The following CAVIN1 variants were observed in gnomAD, a reference collection of about 807,000 sequenced individuals.
CAVIN1 encodes caveolae associated protein 1.
A neutral mutation model predicts 24.0 loss-of-function variants in CAVIN1; 16 were observed. That is an observed-to-expected ratio of 0.67 (90% CI 0.45 to 1.01). The LOEUF (loss-of-function observed/expected upper bound fraction) is 1.01. Ranked by LOEUF, CAVIN1 falls within the 50% of genes least tolerant of loss-of-function variation. The pLI is 0.00. For synonymous variants in CAVIN1, 256 were observed against 256.4 expected (o/e 1.00, Z 0.02); for missense variants, 510 against 551.7 (o/e 0.92, Z 0.76).
At chr17:42,422,046 T>TG in intron 1 of CAVIN1, among the ~76,000 whole-genome samples, 1 of 152,064 alleles carries the variant, frequency 6.6e-6, no homozygotes, top group Non-Finnish European at 1.5e-5. Context: ...GAGGCCGATG[T>TG]GGGGGCGCGG....
intron 1 of CAVIN1, among the ~76,000 whole-genome samples, chr17:42,420,086 C>T (rs1345574562): frequency 6.6e-6 from 1 of 152,056 alleles, no homozygotes; most frequent in Non-Finnish European, 1.5e-5. Context: ...TTCTCTGCCC[C>T]GCCCCCACTG....
intron 1 of CAVIN1, among the ~76,000 whole-genome samples, chr17:42,416,374 A>AAGAAAG (rs1178517813): frequency 4.8e-5 from 2 of 41,914 alleles, no homozygotes; most frequent in Non-Finnish European, 9.2e-5. Flanking sequence ...TCAAAGAAAG[A>AAGAAAG]AGAGAGAGAG....
chr17:42,420,075 GT>G (rs2085536157), intron 1 of CAVIN1, among the ~76,000 whole-genome samples: 1 of 138,720 alleles, frequency 7.2e-6, no homozygotes, highest in African/African-American at 2.7e-5. Flanking sequence ...ATCCCTTGGT[GT>G]TCTCTGCCCC....
intron 1 of CAVIN1, among the ~76,000 whole-genome samples, chr17:42,409,267 AT>A (rs950716313): frequency 4.6e-5 from 7 of 151,002 alleles, no homozygotes; most frequent in African/African-American, 1.2e-4. Context: ...TGCCCAGCTA[AT>A]TTTTGTAGTT....
chr17:42,403,283 T>A lies in CAVIN1; in HGVS notation c.*1404A>T, dbSNP rs1484533110. The stretch of plus-strand genomic sequence containing the variant: ...AGGAGTGAACCAGGGCTGGCTGCTC[T>A]GTGATGTTCTCTCCCCACCTCCCCT... On this transcript the variant is annotated 3_prime_UTR_variant, in exon 2 of 2. Transcript: ENST00000357037. The A allele has an allele frequency of 6.6e-6, 1 of 152,588 alleles. No individual in the cohort carries two copies. The highest frequency in any genetic ancestry group is 2.4e-5 in the African/African-American group (1 of 41,428). 9.5% of individuals were successfully genotyped at this position (152,588 alleles called of 1,614,324 possible).
chr17:42,419,440 G>C (rs879633193), intron 1 of CAVIN1, among the ~76,000 whole-genome samples: 1 of 151,946 alleles, frequency 6.6e-6, no homozygotes, highest in Non-Finnish European at 1.5e-5. Flanking sequence ...AGCCTCCCGA[G>C]TAACCAGGAT....
At chr17:42,422,340 G>A (rs1394773750) in intron 1 of CAVIN1, among the ~76,000 whole-genome samples, 1 of 152,190 alleles carries the variant, frequency 6.6e-6, no homozygotes, top group African/African-American at 2.4e-5. Flanking sequence ...CCGCTAATTC[G>A]GTTCTGCTAC....
intron 1 of CAVIN1, among the ~76,000 whole-genome samples, chr17:42,407,741 G>T (rs111546986): frequency 6.6e-6 from 1 of 152,140 alleles, no homozygotes; most frequent in Admixed American, 6.5e-5. Flanking sequence ...TGCCATAGAC[G>T]GCTTAGTGCA....
intron 1 of CAVIN1, among the ~76,000 whole-genome samples, chr17:42,416,828 T>C (rs990131257): frequency 6.6e-6 from 1 of 151,858 alleles, no homozygotes; most frequent in Non-Finnish European, 1.5e-5. Context: ...TGGACAAAGG[T>C]TTGGGGTTCT....
intron 1 of CAVIN1, among the ~76,000 whole-genome samples, chr17:42,407,584 G>A (rs1171974555): frequency 1.3e-5 from 2 of 152,160 alleles, no homozygotes; most frequent in African/African-American, 4.8e-5. Flanking sequence ...CAGGGACAAA[G>A]AGGGAATGCT....
At chr17:42,422,507 G>GGT in intron 1 of CAVIN1, 120 bp downstream of exon 1, 1 of 657,560 alleles carries the variant, frequency 1.5e-6, no homozygotes, top group Non-Finnish European at 2.5e-6. Flanking sequence ...GATCTGCCGG[G>GGT]CGCCCGGGCC....
intron 1 of CAVIN1, chr17:42,412,227 G>A: frequency 1.0e-6 from 1 of 985,156 alleles, no homozygotes; most frequent in Non-Finnish European, 1.2e-6. Flanking sequence ...CCAGGTCAGA[G>A]GGTGCATTCG....
chr17:42,403,468 CCT>C lies in CAVIN1; in HGVS notation c.*1217_*1218del, dbSNP rs1005146449. ...CATTTGAGGGATCGGGTGGGGCTGA[CCT>C]CTCTGTCTTCTTTGGATCATCGCCT... On this transcript the variant is annotated 3_prime_UTR_variant, in exon 2 of 2. Coordinates refer to ENST00000357037, the MANE Select transcript of CAVIN1 (RefSeq NM_012232.6). 2.0e-5 allele frequency: 3 copies of C among 152,798 alleles called. No homozygotes were observed. The highest frequency in any genetic ancestry group is 4.4e-5 in the Non-Finnish European group (3 of 68,124). The allele number at this position is 152,798 out of a possible 1,614,324, so 9.5% of individuals were successfully genotyped here. A position where few individuals can be genotyped will look rare whatever the true frequency, so the allele number is the denominator to read the frequency against.
At chr17:42,406,916 T>A (rs925626025) in intron 1 of CAVIN1, among the ~76,000 whole-genome samples, 1 of 151,996 alleles carries the variant, frequency 6.6e-6, no homozygotes, top group African/African-American at 2.4e-5. Context: ...AGAAGAGAGA[T>A]TACTTTTCAA....
At chr17:42,416,343 G>C (rs555807460) in intron 1 of CAVIN1, among the ~76,000 whole-genome samples, 78 of 150,514 alleles carry the variant, frequency 5.2e-4, no homozygotes, top group African/African-American at 1.8e-3. Flanking sequence ...ACTCCGGCCT[G>C]GGTGACAGAG....
In CAVIN1 at chr17:42,404,624, A is replaced by G. The variant is rs908060704; in HGVS notation, c.*63T>C. 7 of 1,140,838 alleles carry G rather than the reference A, an allele frequency of 6.1e-6. No individual in the cohort carries two copies. Among genetic ancestry groups the G allele is most frequent in the Non-Finnish European group, 7.0e-6 (6 of 855,462 alleles). The allele number at this position is 1,140,838 out of a possible 1,614,324, so 70.7% of individuals were successfully genotyped here. ...AAAATCTCAGCCAGCTCGAGCCGAG[A>G]GAGAATGCGAAAGAGGAAGTTCGGA... On this transcript the variant is annotated 3_prime_UTR_variant, in exon 2 of 2. Transcript: ENST00000357037.
At chr17:42,422,514 G>T in intron 1 of CAVIN1, 113 bp downstream of exon 1, 1 of 553,810 alleles carries the variant, frequency 1.8e-6, no homozygotes, top group Non-Finnish European at 2.8e-6. Flanking sequence ...CGGGCGCCCG[G>T]GCCAGGCTGG....
intron 1 of CAVIN1, among the ~76,000 whole-genome samples, chr17:42,419,954 C>T (rs1166530013): frequency 6.6e-6 from 1 of 150,858 alleles, no homozygotes; most frequent in Non-Finnish European, 1.5e-5. Context: ...ATCATTAAGT[C>T]TAGAAGTTCC....
intron 1 of CAVIN1, among the ~76,000 whole-genome samples, chr17:42,414,300 C>T (rs1044252495): frequency 2.0e-5 from 3 of 152,140 alleles, no homozygotes; most frequent in African/African-American, 2.4e-5. Context: ...GGCAATTTCC[C>T]TTTGGCCACG....
Sources: allele counts gnomAD v4.1 joint callset (sites outside exome capture counted in the v4.1 genomes callset), GRCh38; gene constraint gnomAD v4.1.1; transcripts MANE v1.5; gene names NCBI Gene and HGNC (gene_info 2026-07-23, HGNC 2026-07-21).